SPTLC2: variants seen among roughly 807,000 people sequenced by gnomAD.
The protein encoded by SPTLC2 is serine palmitoyltransferase long chain base subunit 2, also known as serine palmitoyltransferase 2.
A neutral mutation model predicts 62.0 loss-of-function variants in SPTLC2; 21 were observed. The ratio of observed to expected loss-of-function variants is 0.34; its 90% CI spans 0.24 to 0.49. The LOEUF (loss-of-function observed/expected upper bound fraction) is 0.49, where lower values mean the gene tolerates loss of function less well. Among genes scored for constraint, SPTLC2 ranks in the 20% least tolerant of loss-of-function variants. The pLI, the probability that SPTLC2 is intolerant of heterozygous loss-of-function variation, is 0.99. For synonymous variants in SPTLC2, 261 were observed against 261.8 expected (o/e 1.00, Z 0.03); for missense variants, 511 against 713.0 (o/e 0.72, Z 3.23).
chr14:77,538,770 C>T (rs2079484058), intron 9 of SPTLC2, among the ~76,000 whole-genome samples: 1 of 152,038 alleles, frequency 6.6e-6, no homozygotes, highest in Non-Finnish European at 1.5e-5. Flanking sequence ...GGGGTTTCGC[C>T]ATGTTGCTCA....
chr14:77,581,964 T>C (rs911484377), intron 2 of SPTLC2, among the ~76,000 whole-genome samples: 14 of 152,092 alleles, frequency 9.2e-5, no homozygotes, highest in Non-Finnish European at 1.5e-4. Context: ...CTTCAATCCT[T>C]TTCATTCATG....
At chr14:77,612,541 A>G (rs2079943609) in intron 1 of SPTLC2, among the ~76,000 whole-genome samples, 2 of 152,234 alleles carry the variant, frequency 1.3e-5, no homozygotes, top group African/African-American at 2.4e-5. Flanking sequence ...AAAAGCCTTC[A>G]GGTATCTGAG....
chr14:77,614,002 T>C (rs1044328260), intron 1 of SPTLC2, among the ~76,000 whole-genome samples: 1 of 152,222 alleles, frequency 6.6e-6, no homozygotes, highest in African/African-American at 2.4e-5. Flanking sequence ...GTATTAAAAA[T>C]ACTGGTGAGA....
chr14:77,539,279 A>G (rs2079486585), intron 9 of SPTLC2, among the ~76,000 whole-genome samples: 1 of 152,054 alleles, frequency 6.6e-6, no homozygotes, highest in African/African-American at 2.4e-5. Flanking sequence ...GGGAGATATT[A>G]AAGACCTTGA....
intron 3 of SPTLC2, 117 bp from the exon 4 acceptor site, chr14:77,577,032 A>C: frequency 8.9e-7 from 1 of 1,117,642 alleles, no homozygotes; most frequent in Admixed American, 1.9e-5. Context: ...TATTAAAAAA[A>C]TCTCAAACAC....
chr14:77,601,938 T>A (rs983813250), intron 1 of SPTLC2, among the ~76,000 whole-genome samples: 9 of 152,204 alleles, frequency 5.9e-5, no homozygotes, highest in Admixed American at 3.9e-4. Context: ...TGTTTAATCA[T>A]TGCAGGGATG....
chr14:77,542,209 C>T (rs1352727354), intron 9 of SPTLC2, among the ~76,000 whole-genome samples: 1 of 151,634 alleles, frequency 6.6e-6, no homozygotes, highest in East Asian at 1.9e-4. Context: ...CCAGAGTATA[C>T]TGGTATTTGA....
intron 10 of SPTLC2, among the ~76,000 whole-genome samples, chr14:77,521,226 G>A (rs2079383314): frequency 6.6e-6 from 1 of 152,124 alleles, no homozygotes; most frequent in Non-Finnish European, 1.5e-5. Context: ...TCTATCCCAG[G>A]CCCCTAGAGA....
At chr14:77,532,827 A>T (rs886663450) in intron 9 of SPTLC2, among the ~76,000 whole-genome samples, 1 of 151,930 alleles carries the variant, frequency 6.6e-6, no homozygotes, top group Non-Finnish European at 1.5e-5. Flanking sequence ...AAATAAAATA[A>T]AAAATCTGAT....
chr14:77,555,062 A>G, intron 8 of SPTLC2: 3 of 536,866 alleles, frequency 5.6e-6, no homozygotes, highest in Non-Finnish European at 6.7e-6. Context: ...AGGGTATTCT[A>G]TATCTCAGAT....
At chr14:77,546,398 A>G (rs2079527923) in intron 9 of SPTLC2, among the ~76,000 whole-genome samples, 1 of 152,238 alleles carries the variant, frequency 6.6e-6, no homozygotes, top group Admixed American at 6.5e-5. Flanking sequence ...AATTTCATTT[A>G]TATAGAAAGT....
intron 1 of SPTLC2, among the ~76,000 whole-genome samples, chr14:77,611,360 G>A (rs2079936021): frequency 6.6e-6 from 1 of 150,992 alleles, no homozygotes; most frequent in South Asian, 2.1e-4. Flanking sequence ...CTACTTGGGA[G>A]GCTGAGATGG....
chr14:77,574,877 T>C (rs2079705560), intron 4 of SPTLC2, among the ~76,000 whole-genome samples: 1 of 152,156 alleles, frequency 6.6e-6, no homozygotes, highest in Non-Finnish European at 1.5e-5. Flanking sequence ...TGCTACTGAG[T>C]ATAGCATTTC....
At chr14:77,610,917 A>AT (rs200145456) in intron 1 of SPTLC2, among the ~76,000 whole-genome samples, 11,429 of 138,084 alleles carry the variant, frequency 0.083, 562 homozygotes, top group Non-Finnish European at 0.11. Context: ...ATATATATAT[A>AT]TTTTTATTTA....
chr14:77,545,097 A>G (rs1296095251), intron 9 of SPTLC2, among the ~76,000 whole-genome samples: 2 of 152,140 alleles, frequency 1.3e-5, no homozygotes, highest in Admixed American at 1.3e-4. Flanking sequence ...CACAAGTGAC[A>G]GGAATAATTT....
At chr14:77,560,939 GC>G (rs908513316) in intron 6 of SPTLC2, among the ~76,000 whole-genome samples, 20 of 150,648 alleles carry the variant, frequency 1.3e-4, no homozygotes, top group African/African-American at 4.9e-4. Context: ...TACCTGGGTG[GC>G]GAAATAATCT....
intron 2 of SPTLC2, among the ~76,000 whole-genome samples, chr14:77,594,719 C>T (rs904456711): frequency 1.3e-5 from 2 of 152,232 alleles, no homozygotes; most frequent in South Asian, 2.1e-4. Flanking sequence ...CATGCCTTTG[C>T]CTATACTATC....
chr14:77,574,319 A>C (rs1180986326), intron 4 of SPTLC2, among the ~76,000 whole-genome samples: 1 of 152,214 alleles, frequency 6.6e-6, no homozygotes, highest in Admixed American at 6.5e-5. Context: ...AAAGTAATCA[A>C]GGGTTAAAGT....
In SPTLC2 at chr14:77,568,681, G is replaced by A. The variant is rs865890651; in HGVS notation, c.756+1703C>T. ...ATATTAGCCAGGTGTGGTGGTGGGC[G>A]CCTGTAGTCCCAGCTACTCAAGAGG... On this transcript the variant is annotated intron_variant, in intron 5 of 11. Transcript: ENST00000216484. Among the ~76,000 whole-genome samples the A allele has an allele frequency of 5.3e-5, 8 of 151,942 alleles. 1 individual carries two copies. The highest frequency in any genetic ancestry group is 1.5e-4 in the African/African-American group (6 of 41,364).
Sources: gnomAD v4.1 joint callset for allele counts (sites outside exome capture counted in the v4.1 genomes callset) on GRCh38, gnomAD v4.1.1 for gene constraint, MANE v1.5 for transcripts, NCBI Gene and HGNC (gene_info 2026-07-23, HGNC 2026-07-21) for gene names.